The following NOSTRIN variants were observed in gnomAD, a reference collection of about 807,000 sequenced individuals.
The protein encoded by NOSTRIN is BM247 homolog.
Under a neutral mutation model 59.0 loss-of-function variants are expected in NOSTRIN, and 63 were observed. The observed-to-expected ratio is 1.07, with a 90% CI of 0.87 to 1.32. The LOEUF (loss-of-function observed/expected upper bound fraction) is 1.32. Ranked by LOEUF, NOSTRIN falls within the 40% of genes most tolerant of loss-of-function variation. NOSTRIN has a pLI of 0.00. For synonymous variants in NOSTRIN, 200 were observed against 165.4 expected (o/e 1.21, Z -1.61); for missense variants, 512 against 473.1 (o/e 1.08, Z -0.76).
chr2:168,861,830 C>A, intron 14 of NOSTRIN, 130 bp from the exon 15 acceptor site: 2 of 771,134 alleles, frequency 2.6e-6, no homozygotes, highest in South Asian at 1.9e-5. Context: ...TATAAAATTA[C>A]AAACTTTCCT....
intron 2 of NOSTRIN, among the ~76,000 whole-genome samples, chr2:168,791,405 G>T (rs1250497844): frequency 6.6e-6 from 1 of 152,150 alleles, no homozygotes; most frequent in Non-Finnish European, 1.5e-5. Flanking sequence ...TTGGACATTT[G>T]GGTTGGTTCC....
Position 168,831,487 on chromosome 2 carries a change from G to T in NOSTRIN, c.358G>T (p.Glu120Ter). ...KKRKSLDNEV[E>*]KTANLVISNW... Reference sequence around the variant, plus strand: ...TTTTCAATAGCTTGACAATGAAGTTGAAAAGACAGCAAATCTTGTCATTAG... The same window carrying T: ...TTTTCAATAGCTTGACAATGAAGTTTAAAAGACAGCAAATCTTGTCATTAG... Residue 120 changes from glutamate (E) to a stop codon, truncating the protein, a stop_gained, in exon 6 of 16, where the codon GAA becomes TAA. Transcript: ENST00000317647. LOFTEE classifies it high-confidence loss of function. 1 of 865,974 alleles carries T rather than the reference G, an allele frequency of 1.2e-6. No homozygotes were observed. The highest frequency in any genetic ancestry group is 2.0e-6 in the Non-Finnish European group (1 of 496,034). The allele number at this position is 865,974 out of a possible 1,614,324, so 53.6% of individuals were successfully genotyped here.
At chr2:168,863,473 G>GATGATCCTGAAGGGGGCAGATCTTTC (rs1689612491) in intron 15 of NOSTRIN, 22 of 985,274 alleles carry the variant, frequency 2.2e-5, no homozygotes, top group Non-Finnish European at 2.7e-5. Flanking sequence ...GACGGGGGCA[G>GATGATCCTGAAGGGGGCAGATCTTTC]ATGATCCTGA....
chr2:168,852,907 G>A (rs534427866), intron 10 of NOSTRIN, among the ~76,000 whole-genome samples: 6 of 152,242 alleles, frequency 3.9e-5, no homozygotes, highest in African/African-American at 7.2e-5. Flanking sequence ...TGGGGAAAGC[G>A]CTTTTTTTCT....
chr2:168,853,761 G>A (rs1303115886), intron 10 of NOSTRIN, among the ~76,000 whole-genome samples: 3 of 152,224 alleles, frequency 2.0e-5, no homozygotes, highest in African/African-American at 7.2e-5. Flanking sequence ...AGGAGTGGTA[G>A]AGCATTTGGG....
upstream of NOSTRIN, among the ~76,000 whole-genome samples, chr2:168,795,871 C>T (rs1296451262): frequency 6.6e-6 from 1 of 152,210 alleles, no homozygotes; most frequent in African/African-American, 2.4e-5. Context: ...GCTTCTGCCA[C>T]AGTTTAAAGT....
chr2:168,819,846 C>T (rs1364552601), intron 2 of NOSTRIN, among the ~76,000 whole-genome samples: 1 of 152,182 alleles, frequency 6.6e-6, no homozygotes, highest in South Asian at 2.1e-4. Flanking sequence ...AGGGCTAGCT[C>T]GGTGACATTT....
At position 168,843,005 on chromosome 2, in the gene NOSTRIN, T is replaced by G; in HGVS notation, c.518T>G (p.Leu173Arg). Residue 173 changes from leucine (L) to arginine (R), a missense_variant, in exon 8 of 16, where the codon CTG becomes CGG. Coordinates refer to ENST00000317647, the MANE Select transcript of NOSTRIN (RefSeq NM_001039724.4). ...GTTTTACATTAGCTCCTCAATAAAC[T>G]GACAAAATCAACTGAAAAGTTGGAA... ...EKEKRKLLNK[L>R]TKSTEKLEKE... 1 of 872,442 alleles carries G rather than the reference T, an allele frequency of 1.1e-6. No homozygotes were observed. The highest frequency in any genetic ancestry group is 1.3e-5 in the South Asian group (1 of 76,446). The allele number at this position is 872,442 out of a possible 1,614,324, so 54.0% of individuals were successfully genotyped here.
chr2:168,840,032 G>A (rs940698122), intron 7 of NOSTRIN, among the ~76,000 whole-genome samples: 8 of 151,574 alleles, frequency 5.3e-5, no homozygotes, highest in African/African-American at 1.7e-4. Context: ...CTATAGTGCA[G>A]GCTGATGAAT....
At chr2:168,786,573 C>A (rs1394701179) in exon 1 of NOSTRIN, 1 of 152,136 alleles carries the variant, frequency 6.6e-6, no homozygotes, top group African/African-American at 2.4e-5. Context: ...TGGTAGGGCA[C>A]TGGGCATGCA....
intron 6 of NOSTRIN, among the ~76,000 whole-genome samples, chr2:168,832,719 G>T (rs1687432386): frequency 1.3e-5 from 2 of 152,228 alleles, no homozygotes; most frequent in Non-Finnish European, 2.9e-5. Context: ...CCCAGAAACA[G>T]TATCCAGTCA....
chr2:168,864,892 T>TG lies in NOSTRIN; in HGVS notation c.1446dup (p.Lys483GlufsTer59). On this transcript the variant is annotated frameshift_variant, in exon 16 of 16. Coordinates refer to ENST00000317647, the MANE Select transcript of NOSTRIN (RefSeq NM_001039724.4). LOFTEE classifies it high-confidence loss of function. ...GAGGATGGTGGTTTGGATCTTTGAATGGGAAAAAAGGCCATTTTCCTGCCG... is the reference window on the plus strand; with the variant it reads ...GAGGATGGTGGTTTGGATCTTTGAATGGGGAAAAAAGGCCATTTTCCTGCCG... 1.2e-6 allele frequency: 2 copies of TG among 1,614,000 alleles called. No individual in the cohort carries two copies. The highest frequency in any genetic ancestry group is 1.7e-6 in the Non-Finnish European group (2 of 1,179,956).
intron 3 of NOSTRIN, 32 bp from the exon 4 acceptor site, chr2:168,828,126 C>A: frequency 1.1e-6 from 1 of 872,572 alleles, no homozygotes. Context: ...AAATGACACT[C>A]ACCTTTGTTC....
At chr2:168,826,698 G>A (rs138862361) in intron 3 of NOSTRIN, among the ~76,000 whole-genome samples, 602 of 152,262 alleles carry the variant, frequency 4.0e-3, no homozygotes, top group African/African-American at 0.014. Context: ...CCAGAAATGT[G>A]CCTGACTTCA....
upstream of NOSTRIN, among the ~76,000 whole-genome samples, chr2:168,799,765 G>T (rs547902305): frequency 1.5e-3 from 230 of 152,316 alleles, no homozygotes; most frequent in African/African-American, 5.1e-3. Flanking sequence ...GGGAAAGAAA[G>T]ACATATACCA....
At chr2:168,797,079 CTTTTTTTTTTTT>C (rs775176252), upstream of NOSTRIN, among the ~76,000 whole-genome samples, 16 of 75,032 alleles carry the variant, frequency 2.1e-4, no homozygotes, top group South Asian at 1.3e-3. Context: ...TTTCTTTTTT[CTTTTTTTTTTTT>C]TTTTTTTTTT....
rs1228663829 is a variant in NOSTRIN, at chr2:168,842,622, C to T, written c.505-370C>T. Reference sequence around the variant, plus strand: ...GAAGTGCAGGAGCCCAAAAGATTTACCAGATAAGACTATGGGATTCATTGG... The same window carrying T: ...GAAGTGCAGGAGCCCAAAAGATTTATCAGATAAGACTATGGGATTCATTGG... On this transcript the variant is annotated intron_variant, in intron 7 of 15. Transcript: ENST00000317647. Among the ~76,000 whole-genome samples, 7 of 152,336 alleles carry T rather than the reference C, an allele frequency of 4.6e-5. No individual in the cohort carries two copies. The East Asian group carries it at 9.6e-4, about 21-fold the overall frequency.
chr2:168,839,778 C>T (rs956412120), intron 7 of NOSTRIN, among the ~76,000 whole-genome samples: 2 of 150,114 alleles, frequency 1.3e-5, no homozygotes, highest in South Asian at 2.1e-4. Flanking sequence ...CCCAGCTACT[C>T]GGGAGGCTGA....
At chr2:168,798,147 A>G (rs928402730), upstream of NOSTRIN, 1 of 152,172 alleles carries the variant, frequency 6.6e-6, no homozygotes, top group Non-Finnish European at 1.5e-5. Flanking sequence ...ATTATTTTCA[A>G]TCTACAGATG....
Sources: gnomAD v4.1 joint callset for allele counts (sites outside exome capture counted in the v4.1 genomes callset) on GRCh38, gnomAD v4.1.1 for gene constraint, MANE v1.5 for transcripts, NCBI Gene and HGNC (gene_info 2026-07-23, HGNC 2026-07-21) for gene names.